LHFPL3: variants seen among roughly 807,000 people sequenced by gnomAD.
LHFPL3 encodes LHFPL tetraspan subfamily member 3 protein.
In LHFPL3, 5 loss-of-function variants were observed where a neutral mutation model predicts 19.3. The ratio of observed to expected loss-of-function variants is 0.26; its 90% CI spans 0.14 to 0.54. LHFPL3 has a LOEUF of 0.54. Among genes scored for constraint, LHFPL3 ranks in the 20% least tolerant of loss-of-function variants. The probability of loss-of-function intolerance (pLI) is 0.94; values close to 1 mark genes in which losing one functional copy is unlikely to be tolerated. For synonymous variants in LHFPL3, 133 were observed against 126.2 expected (o/e 1.05, Z -0.36); for missense variants, 249 against 307.4 (o/e 0.81, Z 1.42).
intron 1 of LHFPL3, among the ~76,000 whole-genome samples, chr7:104,496,762 A>G (rs2115716334): frequency 6.6e-6 from 1 of 152,308 alleles, no homozygotes; most frequent in South Asian, 2.1e-4. Flanking sequence ...AATGAAATGA[A>G]GCCCCTGAAT....
chr7:104,521,627 G>T (rs996908575), intron 1 of LHFPL3, among the ~76,000 whole-genome samples: 23 of 152,050 alleles, frequency 1.5e-4, no homozygotes, highest in Non-Finnish European at 2.4e-4. Flanking sequence ...GAAAATTTTT[G>T]CAACCTACTC....
intron 1 of LHFPL3, among the ~76,000 whole-genome samples, chr7:104,453,562 C>A (rs1031664788): frequency 2.0e-5 from 3 of 152,096 alleles, no homozygotes; most frequent in Non-Finnish European, 4.4e-5. Context: ...TAAAATAAAT[C>A]TTCTAAGAAA....
intron 1 of LHFPL3, among the ~76,000 whole-genome samples, chr7:104,726,682 A>G (rs984909261): frequency 1.3e-5 from 2 of 152,150 alleles, no homozygotes; most frequent in African/African-American, 2.4e-5. Context: ...TTATGGATGC[A>G]TGGTATTCCA....
In LHFPL3 at chr7:104,607,131, C is replaced by T. The variant is rs367695121; in HGVS notation, c.446-129544C>T. 5.2e-4 allele frequency among the ~76,000 whole-genome samples: 79 copies of T among 152,282 alleles called. No individual in the cohort carries two copies. In the East Asian group the frequency reaches 7.7e-3, roughly 15 times the overall value. ...CCCTCTCATAATCCTAACCTTGGGG[C>T]CTTTCATTCATTTTGCAAAGGCAGT... On this transcript the variant is annotated intron_variant, in intron 1 of 2. Transcript: ENST00000424859.
At chr7:104,900,219 A>G (rs2116726713) in intron 2 of LHFPL3, among the ~76,000 whole-genome samples, 1 of 152,266 alleles carries the variant, frequency 6.6e-6, no homozygotes, top group African/African-American at 2.4e-5. Context: ...GCAACATTCT[A>G]TTTTCAATGT....
intron 1 of LHFPL3, among the ~76,000 whole-genome samples, chr7:104,382,461 G>C (rs1367443437): frequency 6.6e-6 from 1 of 152,208 alleles, no homozygotes; most frequent in Non-Finnish European, 1.5e-5. Context: ...ACATGCTCAA[G>C]TTGGAAAACC....
At chr7:104,366,581 A>G (rs1319157101) in intron 1 of LHFPL3, among the ~76,000 whole-genome samples, 3 of 152,216 alleles carry the variant, frequency 2.0e-5, no homozygotes, top group Admixed American at 6.5e-5. Flanking sequence ...CACCCCGTCA[A>G]GGGCTTTCCC....
At chr7:104,359,379 T>C (rs1790346895) in intron 1 of LHFPL3, among the ~76,000 whole-genome samples, 1 of 152,240 alleles carries the variant, frequency 6.6e-6, no homozygotes, top group Admixed American at 6.5e-5. Context: ...AAAATTATTA[T>C]ATACTATCAT....
intron 1 of LHFPL3, among the ~76,000 whole-genome samples, chr7:104,686,144 G>T (rs958607820): frequency 6.6e-6 from 1 of 152,150 alleles, no homozygotes; most frequent in Admixed American, 6.5e-5. Context: ...AGGCACAAGT[G>T]GTCTGAAAAG....
intron 1 of LHFPL3, among the ~76,000 whole-genome samples, chr7:104,597,266 C>T (rs927758762): frequency 2.0e-5 from 3 of 152,174 alleles, no homozygotes; most frequent in Non-Finnish European, 4.4e-5. Context: ...TTACTTAACT[C>T]ATTTCAGTCA....
intron 1 of LHFPL3, among the ~76,000 whole-genome samples, chr7:104,373,011 A>T (rs1790643807): frequency 6.6e-6 from 1 of 151,798 alleles, no homozygotes; most frequent in Non-Finnish European, 1.5e-5. Context: ...AAAAAAAAGC[A>T]GTTCCCTGGG....
intron 1 of LHFPL3, among the ~76,000 whole-genome samples, chr7:104,729,646 T>C (rs2116275173): frequency 6.6e-6 from 1 of 152,258 alleles, no homozygotes; most frequent in Non-Finnish European, 1.5e-5. Flanking sequence ...CCTGGCTTAT[T>C]TCACTTAACA....
chr7:104,344,572 A>G (rs1241300547), intron 1 of LHFPL3, among the ~76,000 whole-genome samples: 1 of 152,188 alleles, frequency 6.6e-6, no homozygotes, highest in Non-Finnish European at 1.5e-5. Flanking sequence ...GCTTCATCCA[A>G]GTTGCTGCAA....
intron 1 of LHFPL3, among the ~76,000 whole-genome samples, chr7:104,388,037 GT>G (rs1202048715): frequency 2.0e-5 from 3 of 152,136 alleles, no homozygotes; most frequent in Admixed American, 6.6e-5. Flanking sequence ...GTGAGAACAT[GT>G]GGTATTTGGT....
At chr7:104,366,129 CA>C (rs1299987534) in intron 1 of LHFPL3, among the ~76,000 whole-genome samples, 2 of 152,128 alleles carry the variant, frequency 1.3e-5, no homozygotes, top group Non-Finnish European at 2.9e-5. Flanking sequence ...CTTGTGAGAG[CA>C]GAGAGCGTTC....
chr7:104,413,483 A>G (rs150147856), intron 1 of LHFPL3, among the ~76,000 whole-genome samples: 258 of 152,250 alleles, frequency 1.7e-3, no homozygotes, highest in South Asian at 3.9e-3. Flanking sequence ...CCTCAGAACA[A>G]CCCTATGGAG....
intron 1 of LHFPL3, among the ~76,000 whole-genome samples, chr7:104,650,391 G>A (rs1792010198): frequency 6.6e-6 from 1 of 152,178 alleles, no homozygotes; most frequent in Admixed American, 6.5e-5. Context: ...CAAAAAGGGT[G>A]ATGGTAGAAA....
intron 2 of LHFPL3, among the ~76,000 whole-genome samples, chr7:104,742,044 T>C (rs192753805): frequency 1.7e-3 from 258 of 152,324 alleles, no homozygotes; most frequent in Non-Finnish European, 3.1e-3. Flanking sequence ...TGCTGCTTAA[T>C]TGCATATTTT....
At chr7:104,822,240 G>A (rs958349740) in intron 2 of LHFPL3, among the ~76,000 whole-genome samples, 1 of 152,192 alleles carries the variant, frequency 6.6e-6, no homozygotes, top group Non-Finnish European at 1.5e-5. Flanking sequence ...TTGAGTTGTT[G>A]ACAACTCTAG....
Sources: gnomAD v4.1 joint callset for allele counts (sites outside exome capture counted in the v4.1 genomes callset) on GRCh38, gnomAD v4.1.1 for gene constraint, MANE v1.5 for transcripts, NCBI Gene and HGNC (gene_info 2026-07-23, HGNC 2026-07-21) for gene names.